Variants in ARHGAP25 observed in about 807,000 individuals in gnomAD.
ARHGAP25 encodes rho GTPase-activating protein 25.
Under a neutral mutation model 71.0 loss-of-function variants are expected in ARHGAP25, and 34 were observed. The observed-to-expected ratio is 0.48, with a 90% CI of 0.36 to 0.64. The LOEUF is 0.64. Among genes scored for constraint, ARHGAP25 ranks in the 30% least tolerant of loss-of-function variants. The pLI, the probability that ARHGAP25 is intolerant of heterozygous loss-of-function variation, is 0.00. For missense variants in ARHGAP25, 706 were observed against 805.1 expected (o/e 0.88, Z 1.49); for synonymous variants, 282 against 296.5 (o/e 0.95, Z 0.50).
chr2:68,714,964 C>T (rs1243457989), intron 2 of ARHGAP25, among the ~76,000 whole-genome samples: 1 of 152,204 alleles, frequency 6.6e-6, no homozygotes, highest in African/African-American at 2.4e-5. Flanking sequence ...TCTCCCAGCA[C>T]TCCCCTGAGG....
chr2:68,719,610 G>A (rs746162385), intron 2 of ARHGAP25, among the ~76,000 whole-genome samples: 22 of 151,894 alleles, frequency 1.4e-4, no homozygotes, highest in Non-Finnish European at 2.6e-4. Flanking sequence ...GGATATCCTC[G>A]GGGGCTGTTA....
intron 4 of ARHGAP25, among the ~76,000 whole-genome samples, chr2:68,800,775 T>C (rs926643658): frequency 3.3e-5 from 5 of 151,964 alleles, no homozygotes; most frequent in African/African-American, 9.6e-5. Flanking sequence ...GAGGACTAAA[T>C]GAGATAGCAC....
At chr2:68,749,152 G>A (rs1159583066) in intron 1 of ARHGAP25, among the ~76,000 whole-genome samples, 1 of 152,192 alleles carries the variant, frequency 6.6e-6, no homozygotes, top group Non-Finnish European at 1.5e-5. Flanking sequence ...GAGGATGGAT[G>A]TGGGTGGAAG....
chr2:68,825,539 G>A (rs908330487), intron 10 of ARHGAP25, among the ~76,000 whole-genome samples: 1 of 152,148 alleles, frequency 6.6e-6, no homozygotes, highest in African/African-American at 2.4e-5. Context: ...GCCAAGGCAG[G>A]CGGATCACGA....
intron 3 of ARHGAP25, 102 bp from the exon 4 acceptor site, chr2:68,787,738 C>T (rs1188542589): frequency 1.1e-5 from 10 of 900,980 alleles, no homozygotes; most frequent in Non-Finnish European, 1.8e-6. Context: ...GGTAGTGCTT[C>T]ATTGAACCAA....
chr2:68,774,251 C>G (rs1453397655), intron 1 of ARHGAP25, among the ~76,000 whole-genome samples: 1 of 151,950 alleles, frequency 6.6e-6, no homozygotes, highest in Non-Finnish European at 1.5e-5. Flanking sequence ...AGATGGGGCT[C>G]AGAAGGAAGT....
chr2:68,741,148 T>C (rs1675499570), intron 1 of ARHGAP25, among the ~76,000 whole-genome samples: 5 of 152,254 alleles, frequency 3.3e-5, no homozygotes, highest in Admixed American at 2.0e-4. Context: ...GATTACATTA[T>C]CTTGCTACCC....
At position 68,826,101 on chromosome 2, in the gene ARHGAP25, C is replaced by T. The variant is rs760572594; in HGVS notation, c.1848C>T (p.Arg616=). 1 of 1,614,060 alleles carries T rather than the reference C, an allele frequency of 6.2e-7. No individual in the cohort carries two copies. Among genetic ancestry groups the T allele is most frequent in the South Asian group, 1.1e-5 (1 of 91,078 alleles). The change falls in exon 11 of 11, where the codon CGC becomes CGT. Residue 616 remains arginine, a synonymous_variant. Coordinates refer to ENST00000409202, the MANE Select transcript of ARHGAP25 (RefSeq NM_001007231.3). ...ALEISLRNME[R]SREDVEKRNK... is the part of the protein sequence containing the mutation. ...AGATCAGCCTCCGCAACATGGAGCGCTCCCGGGAGGATGTTGAGAAGAGGA... is the reference window on the plus strand; with the variant it reads ...AGATCAGCCTCCGCAACATGGAGCGTTCCCGGGAGGATGTTGAGAAGAGGA...
chr2:68,765,245 C>T (rs1031089120), intron 1 of ARHGAP25, among the ~76,000 whole-genome samples: 15 of 152,050 alleles, frequency 9.9e-5, no homozygotes, highest in Admixed American at 8.5e-4. Flanking sequence ...GGAATGTGTA[C>T]GTAAGTGGTA....
chr2:68,738,772 G>A (rs997723907), intron 1 of ARHGAP25, among the ~76,000 whole-genome samples: 1 of 148,870 alleles, frequency 6.7e-6, no homozygotes, highest in East Asian at 2.0e-4. Context: ...AGTGAGCCAC[G>A]ATCATGCCAC....
intron 1 of ARHGAP25, among the ~76,000 whole-genome samples, chr2:68,740,751 AGT>A: frequency 6.6e-6 from 1 of 152,340 alleles, no homozygotes; most frequent in South Asian, 2.1e-4. Context: ...CAACCCCACA[AGT>A]AACTGATCCT....
At chr2:68,712,569 A>T (rs1160002010) in intron 2 of ARHGAP25, among the ~76,000 whole-genome samples, 1 of 152,152 alleles carries the variant, frequency 6.6e-6, no homozygotes, top group East Asian at 1.9e-4. Flanking sequence ...TATTTTAGTC[A>T]TGAAGTCTTT....
chr2:68,759,488 G>A (rs1676673801), intron 1 of ARHGAP25, among the ~76,000 whole-genome samples: 1 of 151,758 alleles, frequency 6.6e-6, no homozygotes, highest in Non-Finnish European at 1.5e-5. Context: ...AGATTCAATG[G>A]AAAAATTCTT....
At chr2:68,809,169 C>G (rs1226080426) in intron 5 of ARHGAP25, among the ~76,000 whole-genome samples, 1 of 152,172 alleles carries the variant, frequency 6.6e-6, no homozygotes, top group Non-Finnish European at 1.5e-5. Flanking sequence ...TCCTATTCCA[C>G]TCATGATTCT....
intron 1 of ARHGAP25, among the ~76,000 whole-genome samples, chr2:68,768,614 A>G (rs1459543694): frequency 6.6e-6 from 1 of 152,148 alleles, no homozygotes; most frequent in Non-Finnish European, 1.5e-5. Flanking sequence ...GGTTTCCTCT[A>G]TGCCATCTTT....
chr2:68,824,805 T>G (rs527462209), intron 10 of ARHGAP25, among the ~76,000 whole-genome samples: 1 of 151,680 alleles, frequency 6.6e-6, no homozygotes, highest in East Asian at 1.9e-4. Flanking sequence ...AAGAGATAGG[T>G]GGGGGTAAGC....
chr2:68,723,890 C>A lies in ARHGAP25; in HGVS notation c.-18+13192C>A, dbSNP rs375646058. Among the ~76,000 whole-genome samples, 10 of 151,984 alleles carry A rather than the reference C, an allele frequency of 6.6e-5. No individual in the cohort carries two copies. The South Asian group carries it at 8.3e-4, about 13-fold the overall frequency. On this transcript the variant is annotated intron_variant and NMD_transcript_variant, in intron 2 of 7. Transcript: ENST00000463483. ...TCTCTCTCTCTCTCTCTTTCTCTCT[C>A]GGTGGGGCAGGCTCTCACTCGGTTG... is the stretch of plus-strand genomic sequence containing the variant.
chr2:68,782,454 A>G (rs1678410965), intron 3 of ARHGAP25, 134 bp downstream of exon 3: 3 of 704,732 alleles, frequency 4.3e-6, no homozygotes, highest in South Asian at 1.8e-5. Context: ...AGAGCCCACA[A>G]TGGTTCTTTA....
chr2:68,764,085 C>A (rs772982421), intron 1 of ARHGAP25, among the ~76,000 whole-genome samples: 1 of 152,160 alleles, frequency 6.6e-6, no homozygotes. Context: ...ACAGAATTGC[C>A]TTTTCTGGAT....
Sources: allele counts gnomAD v4.1 joint callset (sites outside exome capture counted in the v4.1 genomes callset), GRCh38; gene constraint gnomAD v4.1.1; transcripts MANE v1.5; gene names NCBI Gene and HGNC (gene_info 2026-07-23, HGNC 2026-07-21).